Variants in NEGR1 observed in about 807,000 individuals in gnomAD.
NEGR1 encodes the protein IgLON family member 4.
NEGR1 carries 10 observed loss-of-function variants against 40.9 expected under a neutral mutation model. That is an observed-to-expected ratio of 0.24 (90% confidence interval 0.15 to 0.42). The LOEUF (loss-of-function observed/expected upper bound fraction) is 0.42, where lower values mean the gene tolerates loss of function less well. Among genes scored for constraint, NEGR1 ranks in the 10% least tolerant of loss-of-function variants. The pLI is 1.00. For synonymous variants in NEGR1, 185 were observed against 166.8 expected, an observed-to-expected ratio of 1.11 and a Z score of -0.84; for missense variants, 352 against 438.9, an observed-to-expected ratio of 0.80 and a Z score of 1.77.
chr1:71,448,562 G>A (rs969016625), intron 6 of NEGR1, among the ~76,000 whole-genome samples: 2 of 152,148 alleles, frequency 1.3e-5, no homozygotes, highest in African/African-American at 4.8e-5. Context: ...TTGCACCACT[G>A]CACTCCAGCC....
rs140404024 is a variant in NEGR1 at position 72,282,279 on chromosome 1, T to G, written c.176+40A>C. The G allele has an allele frequency of 1.6e-3, 2,630 of 1,608,874 alleles. 21 individuals are homozygous for G. Among genetic ancestry groups the G allele is most frequent in the South Asian group, 5.5e-3 (499 of 90,708 alleles). On this transcript the variant is annotated intron_variant, in intron 1 of 6. Transcript: ENST00000357731. ...GAGGGTTCAAAGAGAGACAGAAAGA[T>G]AGACCGAAACAAGTACGAAAAGCAC...
At chr1:72,272,831 A>G (rs1205543726) in intron 1 of NEGR1, among the ~76,000 whole-genome samples, 2 of 152,014 alleles carry the variant, frequency 1.3e-5, no homozygotes, top group East Asian at 1.9e-4. Flanking sequence ...AAAGGGTTAT[A>G]AGCATCTTCC....
chr1:71,485,211 T>C (rs1465626394), intron 6 of NEGR1, among the ~76,000 whole-genome samples: 1 of 79,276 alleles, frequency 1.3e-5, no homozygotes, highest in Non-Finnish European at 2.5e-5. Context: ...CTTATGCTCC[T>C]CTCCTTTGGC....
intron 1 of NEGR1, among the ~76,000 whole-genome samples, chr1:72,079,086 A>AATATATATATATATATATATATATATAT (rs67575298): frequency 1.8e-4 from 25 of 142,378 alleles, no homozygotes; most frequent in East Asian, 4.5e-4. Context: ...CATTTAACAG[A>AATATATATATATATATATATATATATAT]ATATATATAT....
chr1:71,749,190 C>G (rs2101685350), intron 3 of NEGR1, among the ~76,000 whole-genome samples: 1 of 152,216 alleles, frequency 6.6e-6, no homozygotes, highest in South Asian at 2.1e-4. Flanking sequence ...TAAGAAAACA[C>G]TTTTTCCTGT....
At chr1:71,626,082 TC>T (rs1419020575) in intron 4 of NEGR1, among the ~76,000 whole-genome samples, 1 of 151,668 alleles carries the variant, frequency 6.6e-6, no homozygotes, top group Non-Finnish European at 1.5e-5. Context: ...AGTCCCACCA[TC>T]CCCTCCAACC....
At chr1:71,466,262 A>G (rs2101350061) in intron 6 of NEGR1, among the ~76,000 whole-genome samples, 1 of 152,240 alleles carries the variant, frequency 6.6e-6, no homozygotes, top group African/African-American at 2.4e-5. Context: ...CTAAAATGCT[A>G]TATTCCTAGG....
intron 4 of NEGR1, among the ~76,000 whole-genome samples, chr1:71,682,928 A>G (rs1037613975): frequency 6.6e-6 from 1 of 152,114 alleles, no homozygotes; most frequent in Non-Finnish European, 1.5e-5. Context: ...TTCTGCCATG[A>G]GTGAAAGCAA....
At chr1:71,975,257 A>G (rs1187737780) in intron 1 of NEGR1, among the ~76,000 whole-genome samples, 2 of 152,116 alleles carry the variant, frequency 1.3e-5, no homozygotes, top group Non-Finnish European at 2.9e-5. Context: ...GGGCATTGAT[A>G]GTGGCTATTT....
intron 1 of NEGR1, among the ~76,000 whole-genome samples, chr1:72,010,613 A>G (rs555549068): frequency 1.2e-4 from 16 of 136,724 alleles, no homozygotes; most frequent in Admixed American, 3.8e-4. Flanking sequence ...CCCTCCCCCC[A>G]ACCCCTTTCT....
intron 3 of NEGR1, among the ~76,000 whole-genome samples, chr1:71,741,721 TA>T (rs1254411292): frequency 6.6e-6 from 1 of 152,174 alleles, no homozygotes; most frequent in Non-Finnish European, 1.5e-5. Context: ...TTAATTGGCT[TA>T]TCGTTCTGCA....
At chr1:71,500,763 T>G (rs745782806) in intron 6 of NEGR1, among the ~76,000 whole-genome samples, 4 of 152,078 alleles carry the variant, frequency 2.6e-5, no homozygotes, top group Non-Finnish European at 5.9e-5. Flanking sequence ...TGTTGTAGTA[T>G]ATGCATATAA....
chr1:72,164,414 G>C (rs1173239639), intron 1 of NEGR1, among the ~76,000 whole-genome samples: 1 of 151,886 alleles, frequency 6.6e-6, no homozygotes, highest in Non-Finnish European at 1.5e-5. Flanking sequence ...AGGTCAACCA[G>C]TCTCAAGCAC....
chr1:71,743,641 G>A (rs1303456801), intron 3 of NEGR1, among the ~76,000 whole-genome samples: 2 of 151,912 alleles, frequency 1.3e-5, no homozygotes, highest in Non-Finnish European at 1.5e-5. Flanking sequence ...CTCTAATAGG[G>A]CCCTAATAAC....
At chr1:71,665,976 C>T (rs990324778) in intron 4 of NEGR1, among the ~76,000 whole-genome samples, 2 of 152,060 alleles carry the variant, frequency 1.3e-5, no homozygotes, top group African/African-American at 4.8e-5. Flanking sequence ...GTTTATTTGA[C>T]AGAGCTTGTG....
At chr1:71,855,622 C>T (rs367870808) in intron 2 of NEGR1, among the ~76,000 whole-genome samples, 18 of 151,902 alleles carry the variant, frequency 1.2e-4, no homozygotes, top group South Asian at 8.3e-4. Context: ...ATTATCCTTA[C>T]GGTACAGTAA....
intron 3 of NEGR1, among the ~76,000 whole-genome samples, chr1:71,761,889 T>C (rs1204035957): frequency 6.6e-6 from 1 of 152,038 alleles, no homozygotes; most frequent in Non-Finnish European, 1.5e-5. Flanking sequence ...ATGGTAAAAA[T>C]ATAAAAGATA....
chr1:72,169,629 C>A (rs1300733026), intron 1 of NEGR1, among the ~76,000 whole-genome samples: 2 of 152,144 alleles, frequency 1.3e-5, no homozygotes, highest in African/African-American at 2.4e-5. Flanking sequence ...TCCAATGGTT[C>A]TCTTTATGCA....
At chr1:71,660,442 T>A (rs538318751) in intron 4 of NEGR1, among the ~76,000 whole-genome samples, 1 of 152,214 alleles carries the variant, frequency 6.6e-6, no homozygotes, top group East Asian at 1.9e-4. Context: ...TGTTTACCTA[T>A]ATAACAAACA....
Sources: allele counts gnomAD v4.1 joint callset (sites outside exome capture counted in the v4.1 genomes callset), GRCh38; gene constraint gnomAD v4.1.1; transcripts MANE v1.5; gene names NCBI Gene and HGNC (gene_info 2026-07-23, HGNC 2026-07-21).